Variants in WDR27 observed in about 807,000 individuals in gnomAD.
WDR27 encodes WD repeat domain 27.
A neutral mutation model predicts 114.4 loss-of-function variants in WDR27; 100 were observed. The observed-to-expected ratio is 0.87, with a 90% CI of 0.74 to 1.03. WDR27 has a LOEUF of 1.03. Ranked by LOEUF, WDR27 falls within the 50% of genes least tolerant of loss-of-function variation. WDR27 has a pLI of 0.00. For missense variants in WDR27, 1,129 were observed against 1,092.9 expected (o/e 1.03, Z -0.47); for synonymous variants, 449 against 423.1 (o/e 1.06, Z -0.75).
intron 9 of WDR27, among the ~76,000 whole-genome samples, chr6:169,661,195 T>A (rs1009972590): frequency 6.6e-6 from 1 of 152,258 alleles, no homozygotes; most frequent in Non-Finnish European, 1.5e-5. Context: ...CGCTCTGACC[T>A]CTGTGGTTTC....
the WDR27 span, among the ~76,000 whole-genome samples, chr6:169,429,430 CT>C: frequency 0.012 from 1,774 of 142,162 alleles, 21 homozygotes; most frequent in African/African-American, 0.036. Flanking sequence ...AGACTGAGTC[CT>C]TTTTTTTTTT....
rs1783783344 is a variant in WDR27 at position 169,689,013 on chromosome 6, C to G, written c.-7-1G>C. On this transcript the variant is annotated splice_acceptor_variant, in intron 1 of 25. Transcript: ENST00000448612. LOFTEE classifies it low-confidence loss of function (5UTR_SPLICE). ...GTCTTGGGGATTTTCCATCTTCAAT[C>G]TGAAAACAAAAAGTACATATAAGAT... The G allele has an allele frequency of 1.2e-6, 2 of 1,603,918 alleles. No homozygotes were observed. The highest frequency in any genetic ancestry group is 2.2e-5 in the East Asian group (1 of 44,782).
intron 16 of WDR27, among the ~76,000 whole-genome samples, chr6:169,644,901 T>C (rs1405996254): frequency 2.0e-5 from 2 of 97,752 alleles, no homozygotes; most frequent in Non-Finnish European, 3.8e-5. Flanking sequence ...CCCAGCTACT[T>C]GGGAGGCTGA....
At chr6:169,696,455 A>G (rs531572221) in intron 1 of WDR27, among the ~76,000 whole-genome samples, 4 of 152,322 alleles carry the variant, frequency 2.6e-5, no homozygotes, top group Non-Finnish European at 4.4e-5. Flanking sequence ...CATGCACCCA[A>G]ACGTGCACAC....
intron 1 of WDR27, among the ~76,000 whole-genome samples, chr6:169,690,711 G>A (rs892476718): frequency 6.6e-6 from 1 of 152,154 alleles, no homozygotes; most frequent in Non-Finnish European, 1.5e-5. Flanking sequence ...AGCACTGTAG[G>A]GTGCTACTCA....
At chr6:169,641,233 T>A (rs539664873) in intron 17 of WDR27, among the ~76,000 whole-genome samples, 2 of 152,258 alleles carry the variant, frequency 1.3e-5, no homozygotes, top group South Asian at 4.1e-4. Context: ...ATCCCCCTCC[T>A]CTCCCGAGCT....
At chr6:169,657,950 A>G (rs1470447910) in intron 13 of WDR27, 1 of 213,654 alleles carries the variant, frequency 4.7e-6, no homozygotes, top group South Asian at 9.4e-5. Context: ...AAAAAAGGGG[A>G]AAAAAATGTT....
chr6:169,462,691 T>G (rs1583574286), intron 25 of WDR27, among the ~76,000 whole-genome samples: 1 of 152,254 alleles, frequency 6.6e-6, no homozygotes, highest in East Asian at 1.9e-4. Context: ...ATATTCCTTA[T>G]GAACACTGAT....
chr6:169,599,498 C>T (rs904595276), intron 23 of WDR27, among the ~76,000 whole-genome samples: 7 of 151,984 alleles, frequency 4.6e-5, no homozygotes, highest in East Asian at 1.9e-4. Context: ...GGAGAGTGTA[C>T]GTGTCGAGGA....
At chr6:169,521,304 C>T (rs927368545) in intron 25 of WDR27, among the ~76,000 whole-genome samples, 10 of 151,808 alleles carry the variant, frequency 6.6e-5, no homozygotes, top group Admixed American at 3.9e-4. Flanking sequence ...AGCTATCTTT[C>T]GAATATGAAG....
intron 25 of WDR27, among the ~76,000 whole-genome samples, chr6:169,545,738 G>A (rs1361521528): frequency 6.6e-6 from 1 of 152,026 alleles, no homozygotes; most frequent in Non-Finnish European, 1.5e-5. Context: ...AAGGTGAAAA[G>A]GCAAGTTACA....
At chr6:169,484,786 C>T (rs1788664135) in intron 25 of WDR27, among the ~76,000 whole-genome samples, 1 of 152,272 alleles carries the variant, frequency 6.6e-6, no homozygotes, top group Non-Finnish European at 1.5e-5. Context: ...TACAGGGCTA[C>T]AGTAGCCCTA....
intron 18 of WDR27, among the ~76,000 whole-genome samples, chr6:169,637,633 T>C (rs976424916): frequency 6.6e-6 from 1 of 151,990 alleles, no homozygotes; most frequent in East Asian, 1.9e-4. Flanking sequence ...TATGTAAGCA[T>C]GCGTATGTGT....
intron 25 of WDR27, among the ~76,000 whole-genome samples, chr6:169,485,090 CTA>C (rs755494084): frequency 5.9e-5 from 9 of 152,158 alleles, no homozygotes; most frequent in Non-Finnish European, 8.8e-5. Context: ...CTAGGCAACA[CTA>C]TTCTGGACAT....
At chr6:169,666,340 G>A (rs1827816033) in intron 6 of WDR27, 4 of 946,634 alleles carry the variant, frequency 4.2e-6, no homozygotes, top group Non-Finnish European at 5.0e-6. Context: ...TTAAATCTTT[G>A]AGAAGATATA....
At chr6:169,609,081 G>A (rs1400362845) in intron 22 of WDR27, among the ~76,000 whole-genome samples, 2 of 152,220 alleles carry the variant, frequency 1.3e-5, no homozygotes, top group Admixed American at 1.3e-4. Flanking sequence ...GCAAGAGGTG[G>A]GTTCCCATGG....
chr6:169,603,058 T>A (rs1808357155), intron 22 of WDR27, among the ~76,000 whole-genome samples: 1 of 152,016 alleles, frequency 6.6e-6, no homozygotes, highest in Non-Finnish European at 1.5e-5. Context: ...GCCAAGCTGG[T>A]CTCGAACTCC....
intron 25 of WDR27, among the ~76,000 whole-genome samples, chr6:169,470,804 T>G (rs755532925): frequency 5.3e-5 from 8 of 152,144 alleles, no homozygotes; most frequent in Non-Finnish European, 1.2e-4. Context: ...CATAAAAATT[T>G]TGGGGTAAAG....
intron 25 of WDR27, among the ~76,000 whole-genome samples, chr6:169,510,112 A>G (rs1213767326): frequency 6.6e-6 from 1 of 152,258 alleles, no homozygotes; most frequent in Non-Finnish European, 1.5e-5. Context: ...AATGGCGATC[A>G]TTAAAAAGTC....
Sources: gnomAD v4.1 joint callset for allele counts (sites outside exome capture counted in the v4.1 genomes callset) on GRCh38, gnomAD v4.1.1 for gene constraint, MANE v1.5 for transcripts, NCBI Gene and HGNC (gene_info 2026-07-23, HGNC 2026-07-21) for gene names.